The following ZNF608 variants were observed in gnomAD, a reference collection of about 807,000 sequenced individuals.
ZNF608 encodes zinc finger protein 608, also known as renal carcinoma antigen NY-REN-36.
ZNF608 carries 12 observed loss-of-function variants against 109.0 expected under a neutral mutation model. The ratio of observed to expected loss-of-function variants is 0.11; its 90% CI spans 0.07 to 0.18. ZNF608 has a LOEUF of 0.18. Among genes scored for constraint, ZNF608 ranks in the 10% least tolerant of loss-of-function variants. ZNF608 has a pLI of 1.00. For synonymous variants in ZNF608, 732 were observed against 717.4 expected (o/e 1.02, Z -0.33); for missense variants, 1,707 against 1,879.3 (o/e 0.91, Z 1.70).
At position 124,641,336 on chromosome 5, in the gene ZNF608, C is replaced by T. The variant is rs368636414; in HGVS notation, c.4366G>A (p.Gly1456Ser). ...ERERDRHSPF[G>S]QRHLHTHHHT... ...TGGTGCGTGTGCAGGTGCCGCTGGC[C>T]GAAGGGGGAGTGGCGATCCCTTTCC... is the stretch of plus-strand genomic sequence containing the variant. The change falls in exon 8 of 10, where the codon GGC becomes AGC. Residue 1456 changes from glycine to serine, a missense_variant. Around this residue, in one of 7 missense-constraint regions of ZNF608, gnomAD observed 1,073 missense variants for 1,133.5 expected, o/e 0.95. Transcript: ENST00000513986. 9.9e-6 allele frequency: 16 copies of T among 1,613,838 alleles called. No individual in the cohort carries two copies. The highest frequency in any genetic ancestry group is 1.3e-5 in the African/African-American group (1 of 74,866).
In ZNF608 at chr5:124,746,416, T is replaced by A. The variant is rs527866815; in HGVS notation, c.-405A>T. The A allele has an allele frequency of 2.7e-5, 27 of 985,310 alleles. No individual in the cohort carries two copies. The East Asian group carries it at 3.4e-4, about 12-fold the overall frequency. 61.0% of individuals were successfully genotyped at this position (985,310 alleles called of 1,614,324 possible). A position where few individuals can be genotyped will look rare whatever the true frequency, so the allele number is the denominator to read the frequency against. On this transcript the variant is annotated 5_prime_UTR_variant, in exon 1 of 10. Transcript: ENST00000513986. ...TCAGTCCTTTTCTCCTTAAAAAAAATGTGTCACTGTACAGCTGGAAAATAA... is the reference window on the plus strand; with the variant it reads ...TCAGTCCTTTTCTCCTTAAAAAAAAAGTGTCACTGTACAGCTGGAAAATAA...
intron 3 of ZNF608, among the ~76,000 whole-genome samples, chr5:124,690,533 C>A (rs1360602676): frequency 6.6e-6 from 1 of 152,138 alleles, no homozygotes; most frequent in Non-Finnish European, 1.5e-5. Context: ...TAAAACTGCT[C>A]TTACAAAACA....
chr5:124,738,429 G>GT (rs1243538006), intron 2 of ZNF608, among the ~76,000 whole-genome samples: 2 of 152,202 alleles, frequency 1.3e-5, no homozygotes, highest in African/African-American at 2.4e-5. Flanking sequence ...TTGCTGGCAA[G>GT]TTCAGAGTGC....
Position 124,691,416 on chromosome 5 carries a change from G to A in ZNF608, c.1162+9598C>T, listed in dbSNP as rs1271922426. Among the ~76,000 whole-genome samples, 3 of 152,064 alleles carry A rather than the reference G, an allele frequency of 2.0e-5. No homozygotes were observed. The East Asian group carries it at 5.8e-4, about 29-fold the overall frequency. On this transcript the variant is annotated intron_variant, in intron 3 of 9. Transcript: ENST00000513986. Reference sequence around the variant, plus strand: ...AAAGGAAATGCAATCAAAACCATGAGACACCATCTCATACCTGTTAGGATA... The same window carrying A: ...AAAGGAAATGCAATCAAAACCATGAAACACCATCTCATACCTGTTAGGATA...
chr5:124,738,106 C>A (rs967299285), intron 2 of ZNF608, among the ~76,000 whole-genome samples: 1 of 152,182 alleles, frequency 6.6e-6, no homozygotes, highest in Non-Finnish European at 1.5e-5. Context: ...TATACACACA[C>A]CTATGACATA....
chr5:124,660,454 G>C (rs1195214942), intron 3 of ZNF608, among the ~76,000 whole-genome samples: 1 of 152,218 alleles, frequency 6.6e-6, no homozygotes, highest in Non-Finnish European at 1.5e-5. Context: ...AGAAGCCACA[G>C]CATGTGGCTC....
intron 2 of ZNF608, among the ~76,000 whole-genome samples, chr5:124,720,572 T>C (rs2149878059): frequency 6.6e-6 from 1 of 152,348 alleles, no homozygotes; most frequent in South Asian, 2.1e-4. Flanking sequence ...CTGAAAAGTA[T>C]ACTTTTTGGA....
chr5:124,651,588 G>C (rs1750779159), intron 3 of ZNF608, among the ~76,000 whole-genome samples: 1 of 152,238 alleles, frequency 6.6e-6, no homozygotes, highest in Non-Finnish European at 1.5e-5. Context: ...AAACATGAAA[G>C]AAACAACAAA....
intron 3 of ZNF608, among the ~76,000 whole-genome samples, chr5:124,688,866 G>A (rs7706557): frequency 0.05 from 7,607 of 152,166 alleles, 576 homozygotes; most frequent in African/African-American, 0.17. Context: ...AAATGCTTGT[G>A]TTTTAATGTT....
rs750547026 is a variant in ZNF608 at position 124,648,747 on chromosome 5, C to T, written c.1637G>A (p.Gly546Asp). ...GKPETTFLDQGCSSPVLIDCP... is the reference protein window; with the variant it reads ...GKPETTFLDQDCSSPVLIDCP... ...GTCGATTAACACTGGAGAAGAGCAG[C>T]CTTGGTCCAAAAAAGTAGTCTCTGG... Residue 546 changes from glycine to aspartate, a missense_variant, in exon 5 of 10, where the codon GGC becomes GAC. Physicochemically the swap from Gly to Asp is moderately conservative, Grantham distance 94 (BLOSUM62 -1). Transcript: ENST00000513986. 5 of 1,614,146 alleles carry T rather than the reference C, an allele frequency of 3.1e-6. No homozygotes were observed. The Admixed American group carries it at 6.7e-5, about 22-fold the overall frequency.
At chr5:124,641,861 T>C (rs1429668835) in intron 7 of ZNF608, among the ~76,000 whole-genome samples, 2 of 152,196 alleles carry the variant, frequency 1.3e-5, no homozygotes, top group Non-Finnish European at 2.9e-5. Context: ...AAAAACATGC[T>C]CTAAAGTTAT....
In ZNF608 at chr5:124,648,856, G is replaced by C. The variant is rs770644845; in HGVS notation, c.1528C>G (p.Leu510Val). The C allele has an allele frequency of 1.9e-6, 3 of 1,614,072 alleles. No homozygotes were observed. Among genetic ancestry groups the C allele is most frequent in the Non-Finnish European group, 2.5e-6 (3 of 1,179,962 alleles). Residue 510 changes from leucine (L) to valine (V), a missense_variant, in exon 5 of 10, where the codon CTG (leucine) becomes GTG (valine). Coordinates refer to ENST00000513986, the MANE Select transcript of ZNF608 (RefSeq NM_020747.3). ...RKNKPPMELD[L>V]NSSSEDNKPG... ...TTATTGTCCTCAGAGCTGGAGTTCA[G>C]GTCCAGCTCCATTGGAGGCTTGTTT...
intron 3 of ZNF608, among the ~76,000 whole-genome samples, chr5:124,651,736 G>T (rs1016111995): frequency 6.6e-6 from 1 of 152,268 alleles, no homozygotes; most frequent in African/African-American, 2.4e-5. Flanking sequence ...GCCGCGGATT[G>T]GCCGGCGCCC....
In ZNF608 at chr5:124,647,962, G is replaced by A. The variant is rs1037334875; in HGVS notation, c.2422C>T (p.Leu808Phe). ...PITVNPALVS[L>F]KDKKKKEKRK... ...TTCTCCTTTTTCTTTTTGTCTTTGA[G>A]TGACACCAGAGCTGGGTTCACGGTG... The change falls in exon 5 of 10, where the codon CTC (leucine) becomes TTC (phenylalanine). Residue 808 changes from leucine (L) to phenylalanine (F), a missense_variant. Physicochemically the swap from Leu to Phe is conservative, Grantham distance 22 (BLOSUM62 0). Coordinates refer to ENST00000513986, the MANE Select transcript of ZNF608 (RefSeq NM_020747.3). 19 of 1,614,104 alleles carry A rather than the reference G, an allele frequency of 1.2e-5. No individual in the cohort carries two copies. The highest frequency in any genetic ancestry group is 1.6e-5 in the Non-Finnish European group (19 of 1,180,030).
At chr5:124,684,192 G>A (rs531745601) in intron 3 of ZNF608, among the ~76,000 whole-genome samples, 3 of 152,338 alleles carry the variant, frequency 2.0e-5, no homozygotes, top group South Asian at 4.1e-4. Context: ...AGTCTGAAAC[G>A]ATGCTGGCAT....
intron 3 of ZNF608, among the ~76,000 whole-genome samples, chr5:124,690,174 A>G (rs1752556078): frequency 6.6e-6 from 1 of 152,254 alleles, no homozygotes; most frequent in Non-Finnish European, 1.5e-5. Flanking sequence ...CTTTAGAAAG[A>G]GCAAAACAAT....
In ZNF608 at chr5:124,647,391, T is replaced by C. The variant is rs1292050065; in HGVS notation, c.2993A>G (p.His998Arg). 2.5e-6 allele frequency: 4 copies of C among 1,614,034 alleles called. No homozygotes were observed. The African/African-American group carries it at 4.0e-5, about 16-fold the overall frequency. ...QLKESHSPYY[H>R]SYDPYYSPSY... ...TGGAGAATAATAAGGATCATAGCTG[T>C]GGTAATAGGGAGAATGGGACTCTTT... The change falls in exon 5 of 10, where the codon CAC becomes CGC. Residue 998 changes from histidine to arginine, a missense_variant. Transcript: ENST00000513986.
intron 2 of ZNF608, among the ~76,000 whole-genome samples, chr5:124,702,503 T>G (rs1216188476): frequency 6.6e-6 from 1 of 151,186 alleles, no homozygotes; most frequent in Admixed American, 6.6e-5. Context: ...GGGTTTTGGT[T>G]TTTTTTTTTG....
intron 3 of ZNF608, among the ~76,000 whole-genome samples, chr5:124,667,022 G>A (rs1209645498): frequency 3.3e-5 from 5 of 152,260 alleles, no homozygotes; most frequent in Non-Finnish European, 7.4e-5. Flanking sequence ...TACAGATGCA[G>A]AAGGTATCCT....
Sources: allele counts gnomAD v4.1 joint callset (sites outside exome capture counted in the v4.1 genomes callset), GRCh38; gene constraint gnomAD v4.1.1; regional missense constraint gnomAD v4.1.1; transcripts MANE v1.5; gene names NCBI Gene and HGNC (gene_info 2026-07-23, HGNC 2026-07-21).